PRELID2: variants seen among roughly 807,000 people sequenced by gnomAD.
The protein encoded by PRELID2 is PRELI domain containing 2.
PRELID2 carries 25 observed loss-of-function variants against 28.4 expected under a neutral mutation model. That is an observed-to-expected ratio of 0.88 (90% CI 0.64 to 1.23). The LOEUF is 1.23. Among genes scored for constraint, PRELID2 ranks in the 50% most tolerant of loss-of-function variants. PRELID2 has a pLI of 0.00. For synonymous variants in PRELID2, 76 were observed against 71.6 expected, an observed-to-expected ratio of 1.06 and a Z score of -0.31; for missense variants, 201 against 214.4, an observed-to-expected ratio of 0.94 and a Z score of 0.39.
At chr5:145,318,858 A>G in the PRELID2 span, among the ~76,000 whole-genome samples, 1 of 152,156 alleles carries the variant, frequency 6.6e-6, no homozygotes, top group African/African-American at 2.4e-5. Context: ...GGTCACACAG[A>G]CAAACTGAAG....
chr5:145,828,019 T>C (rs1314267948), intron 1 of PRELID2, among the ~76,000 whole-genome samples: 1 of 152,176 alleles, frequency 6.6e-6, no homozygotes, highest in Non-Finnish European at 1.5e-5. Flanking sequence ...TGCAATATTG[T>C]TTTTGAAATG....
the PRELID2 span, among the ~76,000 whole-genome samples, chr5:145,411,938 G>A: frequency 6.6e-5 from 10 of 152,116 alleles, no homozygotes; most frequent in African/African-American, 2.2e-4. Context: ...GCAATATCCC[G>A]AGCTGTACCT....
chr5:145,702,228 A>G (rs1431132494), intron 1 of PRELID2, among the ~76,000 whole-genome samples: 1 of 152,194 alleles, frequency 6.6e-6, no homozygotes, highest in Non-Finnish European at 1.5e-5. Flanking sequence ...GAGCTAGCAA[A>G]TTTATGATCA....
intron 1 of PRELID2, among the ~76,000 whole-genome samples, chr5:145,500,899 G>A (rs539785879): frequency 4.1e-4 from 63 of 152,160 alleles, no homozygotes; most frequent in African/African-American, 1.4e-3. Flanking sequence ...TGGGTCATTC[G>A]CTCAAGTTAC....
At chr5:145,620,638 A>T (rs1017994277) in intron 1 of PRELID2, among the ~76,000 whole-genome samples, 1 of 152,214 alleles carries the variant, frequency 6.6e-6, no homozygotes. Flanking sequence ...TGGGAGGCCA[A>T]TGAAGGCAGA....
chr5:145,657,296 G>A (rs551781187), intron 1 of PRELID2, among the ~76,000 whole-genome samples: 3 of 152,128 alleles, frequency 2.0e-5, no homozygotes, highest in South Asian at 4.1e-4. Context: ...GAAAATCAAC[G>A]TGAGAAGAAA....
intron 1 of PRELID2, among the ~76,000 whole-genome samples, chr5:145,650,523 CATATATACATATATATATATATATAT>C (rs1248804412): frequency 6.5e-5 from 6 of 91,730 alleles, no homozygotes; most frequent in African/African-American, 1.7e-4. Flanking sequence ...TCGAATCGCA[CATATATACATATATATATATATATAT>C]ATATATATAT....
At chr5:145,506,692 A>T (rs1409640504) in intron 1 of PRELID2, among the ~76,000 whole-genome samples, 1 of 152,218 alleles carries the variant, frequency 6.6e-6, no homozygotes, top group African/African-American at 2.4e-5. Context: ...AGGATACTGC[A>T]AAGTTATCTG....
the PRELID2 span, among the ~76,000 whole-genome samples, chr5:145,442,329 C>T: frequency 6.6e-6 from 1 of 151,928 alleles, no homozygotes; most frequent in Non-Finnish European, 1.5e-5. Context: ...TTTAGTTGTG[C>T]CTGGTACAGA....
At chr5:145,598,850 T>A (rs1160110784) in intron 1 of PRELID2, among the ~76,000 whole-genome samples, 2 of 152,198 alleles carry the variant, frequency 1.3e-5, no homozygotes, top group Non-Finnish European at 2.9e-5. Context: ...AAATAACGGA[T>A]CTTCTTCATA....
intron 5 of PRELID2, among the ~76,000 whole-genome samples, chr5:145,772,561 G>C (rs1758175692): frequency 6.6e-6 from 1 of 152,208 alleles, no homozygotes; most frequent in African/African-American, 2.4e-5. Flanking sequence ...CTTGGCAAGA[G>C]GGTATGTACA....
chr5:145,371,858 G>A, the PRELID2 span, among the ~76,000 whole-genome samples: 2 of 139,248 alleles, frequency 1.4e-5, no homozygotes, highest in South Asian at 2.4e-4. Context: ...TTCTTTATTA[G>A]TCTAGCTAGT....
the PRELID2 span, chr5:145,381,789 T>C: frequency 1.3e-5 from 2 of 152,178 alleles, no homozygotes; most frequent in Non-Finnish European, 2.9e-5. Context: ...ATCAACCTTC[T>C]ATAACAAAAA....
intron 1 of PRELID2, among the ~76,000 whole-genome samples, chr5:145,731,141 C>T (rs1383106711): frequency 6.6e-6 from 1 of 152,188 alleles, no homozygotes; most frequent in East Asian, 1.9e-4. Flanking sequence ...ACATGTTCTA[C>T]ATTGTTGCAT....
At chr5:145,375,042 T>C in the PRELID2 span, among the ~76,000 whole-genome samples, 1 of 152,126 alleles carries the variant, frequency 6.6e-6, no homozygotes, top group East Asian at 1.9e-4. Flanking sequence ...GACACTGTGA[T>C]CATTTGGAGA....
At chr5:145,676,232 A>AT (rs1481948990) in intron 1 of PRELID2, among the ~76,000 whole-genome samples, 5 of 147,642 alleles carry the variant, frequency 3.4e-5, no homozygotes, top group Non-Finnish European at 7.4e-5. Flanking sequence ...AAAAAAAAAA[A>AT]AAAAAAAAAA....
At chr5:145,598,575 A>G (rs193198364) in intron 1 of PRELID2, among the ~76,000 whole-genome samples, 4 of 152,336 alleles carry the variant, frequency 2.6e-5, no homozygotes, top group Admixed American at 1.3e-4. Flanking sequence ...TTTGGTATGA[A>G]TTTGGATTCA....
the PRELID2 span, among the ~76,000 whole-genome samples, chr5:145,402,823 T>C: frequency 6.6e-6 from 1 of 152,170 alleles, no homozygotes; most frequent in East Asian, 1.9e-4. Context: ...TGAATCGATG[T>C]CATATGTTTT....
At chr5:145,589,338 GAATTTT>G (rs1185426857) in intron 1 of PRELID2, among the ~76,000 whole-genome samples, 4 of 152,028 alleles carry the variant, frequency 2.6e-5, no homozygotes, top group Non-Finnish European at 4.4e-5. Flanking sequence ...TACACAAGGT[GAATTTT>G]AATTTTAATA....
Sources: allele counts gnomAD v4.1 joint callset (sites outside exome capture counted in the v4.1 genomes callset), GRCh38; gene constraint gnomAD v4.1.1; transcripts MANE v1.5; gene names NCBI Gene and HGNC (gene_info 2026-07-23, HGNC 2026-07-21).